The following SLC35F5 variants were observed in gnomAD, a reference collection of about 807,000 sequenced individuals.
SLC35F5 encodes the protein solute carrier family 35 member F5, also known as HCV NS5A-transactivated protein 3.
A neutral mutation model predicts 68.6 loss-of-function variants in SLC35F5; 54 were observed. The ratio of observed to expected loss-of-function variants is 0.79; its 90% CI spans 0.63 to 0.99. The LOEUF is 0.99. Among genes scored for constraint, SLC35F5 ranks in the 50% least tolerant of loss-of-function variants. The pLI, the probability that SLC35F5 is intolerant of heterozygous loss-of-function variation, is 0.00. For missense variants in SLC35F5, 567 were observed against 626.9 expected (o/e 0.90, Z 1.02); for synonymous variants, 211 against 205.2 (o/e 1.03, Z -0.24).
rs770531966 is a variant in SLC35F5, at chr2:113,755,453, CCTTGT to C, written c.127_131del (p.Arg44AlafsTer35). ...ACATAGAGGATAAACGTGGAATCTA[CCTTGT>C]CTTAAGAGCCCTTCTGAGATCCTCA... On this transcript the variant is annotated frameshift_variant and splice_region_variant, in exon 2 of 16. Coordinates refer to ENST00000245680, the MANE Select transcript of SLC35F5 (RefSeq NM_025181.5). LOFTEE classifies it high-confidence loss of function. 9.9e-6 allele frequency: 16 copies of C among 1,613,914 alleles called. No individual in the cohort carries two copies. The highest frequency in any genetic ancestry group is 1.2e-5 in the Non-Finnish European group (14 of 1,179,902).
rs1686829089 is a variant in SLC35F5, at chr2:113,707,435, T to C, written c.*7783A>G. ...ATTTAGAATATACTACAAAATTGTA[T>C]ATAAAATAACCCTTTACAAGGATTT... On this transcript the variant is annotated 3_prime_UTR_variant, in exon 16 of 16. Coordinates refer to ENST00000245680, the MANE Select transcript of SLC35F5 (RefSeq NM_025181.5). 6.6e-6 allele frequency among the ~76,000 whole-genome samples: 1 copy of C among 152,228 alleles called. No individual in the cohort carries two copies. The highest frequency in any genetic ancestry group is 2.4e-5 in the African/African-American group (1 of 41,460).
In SLC35F5 at chr2:113,756,426, C is replaced by G. The variant is rs1463717600; in HGVS notation, c.-17G>C. 6.5e-7 allele frequency: 1 copy of G among 1,546,022 alleles called. No individual in the cohort carries two copies. The highest frequency in any genetic ancestry group is 1.4e-5 in the African/African-American group (1 of 73,044). On this transcript the variant is annotated 5_prime_UTR_variant, in exon 1 of 16. Transcript: ENST00000245680. The stretch of plus-strand genomic sequence containing the variant: ...CGGCACCATGAGCGGACCGGTCAGG[C>G]CCCGCAGCCGCCCAGCGCCACGGCC...
chr2:113,729,832 T>A (rs868459904), intron 10 of SLC35F5, among the ~76,000 whole-genome samples: 1 of 152,196 alleles, frequency 6.6e-6, no homozygotes, highest in South Asian at 2.1e-4. Context: ...AAATGCATGT[T>A]TCTTATTTTA....
At chr2:113,716,970 TAGGGAGGGAAAACTC>T (rs758216609) in intron 15 of SLC35F5, among the ~76,000 whole-genome samples, 36 of 152,170 alleles carry the variant, frequency 2.4e-4, no homozygotes, top group African/African-American at 7.2e-5. Flanking sequence ...ATGTTCTAGA[TAGGGAGGGAAAACTC>T]AGTAGCAATC....
At chr2:113,737,974 T>C (rs967958975) in intron 7 of SLC35F5, among the ~76,000 whole-genome samples, 6 of 152,212 alleles carry the variant, frequency 3.9e-5, no homozygotes, top group African/African-American at 1.4e-4. Context: ...AAAATGTTAA[T>C]ATTTGATAAA....
intron 2 of SLC35F5, 34 bp downstream of exon 2, chr2:113,755,420 T>C: frequency 6.2e-7 from 1 of 1,610,988 alleles, no homozygotes; most frequent in South Asian, 1.1e-5. Context: ...ATGTTCAGTG[T>C]GAAAGTTACA....
At chr2:113,755,571 T>C (rs776305943) in intron 1 of SLC35F5, 27 bp from the exon 2 acceptor site, 1 of 1,575,870 alleles carries the variant, frequency 6.3e-7, no homozygotes, top group South Asian at 1.1e-5. Flanking sequence ...AATTATGCTA[T>C]GAAAACGTGA....
rs1676917903 is a variant in SLC35F5 at position 113,755,172 on chromosome 2, A to G, written c.266T>C (p.Leu89Pro). ...VDVIWVASSELTSYVFTQYNK... is the reference protein window; with the variant it reads ...VDVIWVASSEPTSYVFTQYNK... ...TGGACCAAAGGTACATACCGAAGTA[A>G]GTTCAGAGGAAGCAACCCATATCAC... Residue 89 changes from leucine (L) to proline (P), a missense_variant, in exon 3 of 16, where the codon CTT (leucine) becomes CCT (proline). Transcript: ENST00000245680. The G allele has an allele frequency of 1.2e-6, 2 of 1,613,782 alleles. No individual in the cohort carries two copies. The highest frequency in any genetic ancestry group is 2.7e-5 in the African/African-American group (2 of 74,898).
Position 113,735,839 on chromosome 2 carries a change from G to C in SLC35F5, c.770C>G (p.Ser257Ter), listed in dbSNP as rs1490623233. ...TGTGTCTGAAAGTGCTTCTTGATAT[G>C]ACAAATTTGCCAAAAACCACTAAAG... is the stretch of plus-strand genomic sequence containing the variant. The part of the protein sequence containing the change: ...FCFVWFLANL[S>*]YQEALSDTQV... The change falls in exon 8 of 16, where the codon TCA (serine) becomes TGA (stop). Residue 257 changes from serine (S) to a stop codon, truncating the protein, a stop_gained. Transcript: ENST00000245680. LOFTEE classifies it high-confidence loss of function. 2 of 1,609,238 alleles carry C rather than the reference G, an allele frequency of 1.2e-6. No individual in the cohort carries two copies. Among genetic ancestry groups the C allele is most frequent in the Admixed American group, 1.7e-5 (1 of 59,398 alleles).
At position 113,756,415 on chromosome 2, in the gene SLC35F5, G is replaced by A. The variant is rs1244724499; in HGVS notation, c.-6C>T. ...TGGCGTCGTGGCGGCACCATGAGCG[G>A]ACCGGTCAGGCCCCGCAGCCGCCCA... On this transcript the variant is annotated 5_prime_UTR_variant, in exon 1 of 16. Transcript: ENST00000245680. The A allele has an allele frequency of 7.7e-6, 12 of 1,552,388 alleles. No individual in the cohort carries two copies. The highest frequency in any genetic ancestry group is 1.0e-5 in the Non-Finnish European group (12 of 1,150,518).
At chr2:113,750,607 C>A (rs748038461) in intron 3 of SLC35F5, 39 bp from the exon 4 acceptor site, 1 of 1,503,248 alleles carries the variant, frequency 6.7e-7, no homozygotes. Flanking sequence ...TCTGAGATGA[C>A]CTTAAACCTT....
At chr2:113,728,845 A>T (rs1012843003) in intron 11 of SLC35F5, among the ~76,000 whole-genome samples, 2 of 152,212 alleles carry the variant, frequency 1.3e-5, no homozygotes, top group Admixed American at 6.5e-5. Context: ...GGCAAAGGAA[A>T]ATTTATAAAC....
chr2:113,716,944 T>C (rs1410769475), intron 15 of SLC35F5, among the ~76,000 whole-genome samples: 2 of 152,190 alleles, frequency 1.3e-5, no homozygotes, highest in African/African-American at 4.8e-5. Flanking sequence ...TGTTAACAAC[T>C]GACAGGAGTT....
chr2:113,743,850 T>A, intron 5 of SLC35F5, 56 bp from the exon 6 acceptor site: 2 of 1,423,340 alleles, frequency 1.4e-6, no homozygotes, highest in Non-Finnish European at 1.9e-6. Flanking sequence ...ACATAGTGGT[T>A]AAAATTTAAA....
At position 113,728,041 on chromosome 2, in the gene SLC35F5, G is replaced by C. The variant is rs144172955; in HGVS notation, c.1090+1360C>G. Among the ~76,000 whole-genome samples, 152 of 152,128 alleles carry C rather than the reference G, an allele frequency of 1.0e-3. 1 individual carries two copies. The highest frequency in any genetic ancestry group is 3.6e-3 in the African/African-American group (149 of 41,492). On this transcript the variant is annotated intron_variant, in intron 11 of 15. Transcript: ENST00000245680. ...GCATCTTACTCTGTTACCCAGGCTA[G>C]AGTGCAGAGACACAATCATAGCTCA...
chr2:113,751,505 A>G (rs2104486319), intron 3 of SLC35F5, among the ~76,000 whole-genome samples: 1 of 152,298 alleles, frequency 6.6e-6, no homozygotes, highest in African/African-American at 2.4e-5. Flanking sequence ...ACGCCATTTT[A>G]CACTAAAAGA....
chr2:113,722,783 G>A (rs1004462325), intron 13 of SLC35F5, among the ~76,000 whole-genome samples: 2 of 152,068 alleles, frequency 1.3e-5, no homozygotes. Context: ...AGGGTTTATC[G>A]CAGAAACTAA....
chr2:113,750,434 A>G lies in SLC35F5; in HGVS notation c.408T>C (p.His136=). The G allele has an allele frequency of 3.1e-6, 5 of 1,598,954 alleles. No homozygotes were observed. In the South Asian group the frequency reaches 4.5e-5, roughly 15 times the overall value. ...QQCTRGLRGK[H]AAFFADAEGY... is the part of the protein sequence containing the mutation. ...AAAATTAAAAACTTACAAAAGCAGC[A>G]TGCTTTCCGCGAAGTCCTCTTGTAC... Residue 136 remains histidine (H), a synonymous_variant, in exon 4 of 16, where the codon CAT becomes CAC. Transcript: ENST00000245680.
At position 113,755,509 on chromosome 2, in the gene SLC35F5, A is replaced by G; in HGVS notation, c.76T>C (p.Ser26Pro). The G allele has an allele frequency of 6.2e-7, 1 of 1,614,090 alleles. No homozygotes were observed. The highest frequency in any genetic ancestry group is 1.1e-5 in the South Asian group (1 of 91,046). The change falls in exon 2 of 16, where the codon TCT becomes CCT. Residue 26 changes from serine (S) to proline (P), a missense_variant. Coordinates refer to ENST00000245680, the MANE Select transcript of SLC35F5 (RefSeq NM_025181.5). ...AGAGCAATGCCGGAAAACTTGGCAGATCTCAGTCTAAAAGGAGGTGAAGAA... is the reference window on the plus strand; with the variant it reads ...AGAGCAATGCCGGAAAACTTGGCAGGTCTCAGTCTAAAAGGAGGTGAAGAA... ...LSSSPPFRLR[S>P]AKFSGIALED...
Sources: gnomAD v4.1 joint callset for allele counts (sites outside exome capture counted in the v4.1 genomes callset) on GRCh38, gnomAD v4.1.1 for gene constraint, MANE v1.5 for transcripts, NCBI Gene and HGNC (gene_info 2026-07-23, HGNC 2026-07-21) for gene names.